TBCD: variants seen among roughly 807,000 people sequenced by gnomAD.
TBCD encodes the protein tubulin folding cofactor D.
Under a neutral mutation model 169.3 loss-of-function variants are expected in TBCD, and 105 were observed. The observed-to-expected ratio is 0.62, with a 90% CI of 0.53 to 0.73. The LOEUF (loss-of-function observed/expected upper bound fraction) is 0.73. TBCD is among the 30% of genes least tolerant of loss of function. The pLI, the probability that TBCD is intolerant of heterozygous loss-of-function variation, is 0.00. For missense variants in TBCD, 1,444 were observed against 1,600.1 expected (o/e 0.90, Z 1.66); for synonymous variants, 700 against 643.9 (o/e 1.09, Z -1.32).
At chr17:82,758,396 A>ATAAATAAATAAAT (rs1263110597) in intron 2 of TBCD, among the ~76,000 whole-genome samples, 4 of 123,164 alleles carry the variant, frequency 3.2e-5, no homozygotes, top group South Asian at 3.3e-4. Flanking sequence ...AAAAAAAAAA[A>ATAAATAAATAAAT]AAAAAAATAA....
intron 17 of TBCD, among the ~76,000 whole-genome samples, chr17:82,900,118 T>C (rs2059787418): frequency 6.6e-6 from 1 of 152,230 alleles, no homozygotes; most frequent in East Asian, 1.9e-4. Flanking sequence ...AGCGCACAGC[T>C]TCCTGTGTGT....
intron 13 of TBCD, among the ~76,000 whole-genome samples, chr17:82,820,550 A>G (rs1036434274): frequency 1.3e-5 from 2 of 151,004 alleles, no homozygotes; most frequent in Non-Finnish European, 2.9e-5. Flanking sequence ...TTCTTCAGGT[A>G]TTTTTGCTGC....
rs537369010 is a variant in TBCD at position 82,866,800 on chromosome 17, C to T, written c.1319-3424C>T. On this transcript the variant is annotated intron_variant, in intron 13 of 38. Transcript: ENST00000355528. ...AGCTGGAAGCCCAGCCCCTCTGTGG[C>T]TCTGTCCACAGCTGGGGACAGCAGT... Among the ~76,000 whole-genome samples the T allele has an allele frequency of 5.3e-5, 8 of 152,364 alleles. No individual in the cohort carries two copies. In the South Asian group the frequency reaches 1.2e-3, roughly 24 times the overall value.
At chr17:82,830,614 GC>G (rs1567850803) in intron 13 of TBCD, 1 of 1,614,052 alleles carries the variant, frequency 6.2e-7, no homozygotes, top group East Asian at 2.2e-5. Context: ...ACCGGGGAAG[GC>G]AGGCCTCGGA....
chr17:82,857,367 T>G (rs1177225938), intron 13 of TBCD, among the ~76,000 whole-genome samples: 1 of 152,364 alleles, frequency 6.6e-6, no homozygotes, highest in South Asian at 2.1e-4. Context: ...TAAACTCTTA[T>G]CAGATATATC....
rs1361304583 is a variant in TBCD, at chr17:82,841,484, T to A, written c.1318+26550T>A. On this transcript the variant is annotated intron_variant, in intron 13 of 38. Coordinates refer to ENST00000355528, the MANE Select transcript of TBCD (RefSeq NM_005993.5). Reference sequence around the variant, plus strand: ...AGGCACGGTCACTATGCCTGGAGAATTTTTTGTAGAGACAGGGTTTTGCCA... The same window carrying A: ...AGGCACGGTCACTATGCCTGGAGAAATTTTTGTAGAGACAGGGTTTTGCCA... 3.3e-5 allele frequency among the ~76,000 whole-genome samples: 5 copies of A among 152,182 alleles called. No homozygotes were observed. The East Asian group carries it at 9.7e-4, about 29-fold the overall frequency.
intron 17 of TBCD, among the ~76,000 whole-genome samples, chr17:82,894,993 A>G (rs2059383763): frequency 1.3e-5 from 2 of 152,160 alleles, no homozygotes; most frequent in South Asian, 2.1e-4. Flanking sequence ...AAGACAATCT[A>G]CCACCTTTTC....
intron 9 of TBCD, among the ~76,000 whole-genome samples, chr17:82,804,963 T>C (rs610516): frequency 0.48 from 72,327 of 152,120 alleles, 17,995 homozygotes; most frequent in African/African-American, 0.63. Flanking sequence ...CGCCAAAGCC[T>C]AAGCTGTTTG....
chr17:82,922,074 A>G lies in TBCD; in HGVS notation c.2178+497A>G, dbSNP rs2061451767. 6.6e-6 allele frequency among the ~76,000 whole-genome samples: 1 copy of G among 152,220 alleles called. No homozygotes were observed. Among genetic ancestry groups the G allele is most frequent in the South Asian group, 2.1e-4 (1 of 4,828 alleles). On this transcript the variant is annotated intron_variant, in intron 25 of 38. Coordinates refer to ENST00000355528, the MANE Select transcript of TBCD (RefSeq NM_005993.5). The surrounding 1 kb of genome is among the most constrained non-coding windows in gnomAD (Gnocchi z 4.1). The stretch of plus-strand genomic sequence containing the variant: ...GGTTACAGGTGGACTTTGGACTCAC[A>G]GAGCTGTAACGCTGATCTCATTGCA...
intron 14 of TBCD, among the ~76,000 whole-genome samples, chr17:82,882,123 C>T (rs969468225): frequency 2.6e-5 from 4 of 152,216 alleles, no homozygotes; most frequent in African/African-American, 9.7e-5. Flanking sequence ...CCAGCTTCTC[C>T]GAGGAAGTGC....
chr17:82,848,494 C>T (rs1377344126), intron 13 of TBCD, among the ~76,000 whole-genome samples: 5 of 152,198 alleles, frequency 3.3e-5, no homozygotes, highest in Admixed American at 6.5e-5. Context: ...AGGTGTCTTA[C>T]GCTTCGGCAT....
chr17:82,779,546 C>A (rs911640122), intron 6 of TBCD, among the ~76,000 whole-genome samples: 1 of 152,198 alleles, frequency 6.6e-6, no homozygotes, highest in Admixed American at 6.5e-5. Context: ...GAGCAGTTGG[C>A]AGGTGCCAGC....
chr17:82,854,935 G>C (rs1270990802), intron 13 of TBCD, among the ~76,000 whole-genome samples: 6 of 152,218 alleles, frequency 3.9e-5, no homozygotes, highest in Non-Finnish European at 8.8e-5. Context: ...CTCTGTCCTT[G>C]GGACTCATCA....
chr17:82,847,099 C>T (rs537802109), intron 13 of TBCD, among the ~76,000 whole-genome samples: 17 of 152,292 alleles, frequency 1.1e-4, no homozygotes, highest in Non-Finnish European at 2.4e-4. Flanking sequence ...CGCCTGTAAT[C>T]CCAGCACTTT....
chr17:82,900,457 T>G, intron 17 of TBCD, 194 bp from the exon 18 acceptor site: 1 of 552,912 alleles, frequency 1.8e-6, no homozygotes, highest in Non-Finnish European at 3.2e-6. Flanking sequence ...TGTGTGCACG[T>G]TTGTGTAAAG....
At chr17:82,756,270 C>G in intron 2 of TBCD, 55 bp downstream of exon 2, 2 of 1,531,192 alleles carry the variant, frequency 1.3e-6, no homozygotes, top group African/African-American at 1.4e-5. Flanking sequence ...CCACGGAGGC[C>G]TTGGTGTGTG....
chr17:82,888,890 C>T (rs1323765693), intron 15 of TBCD, among the ~76,000 whole-genome samples: 1 of 152,188 alleles, frequency 6.6e-6, no homozygotes, highest in Non-Finnish European at 1.5e-5. Context: ...CTGGCCTCGC[C>T]CCTTGCTGGT....
At chr17:82,779,764 G>C (rs2048825430) in intron 6 of TBCD, among the ~76,000 whole-genome samples, 1 of 152,188 alleles carries the variant, frequency 6.6e-6, no homozygotes, top group African/African-American at 2.4e-5. Context: ...TTGCAGTGGA[G>C]ATGACGTGGG....
chr17:82,775,524 G>GC (rs1473049532), intron 6 of TBCD, among the ~76,000 whole-genome samples: 2 of 152,208 alleles, frequency 1.3e-5, no homozygotes, highest in Non-Finnish European at 1.5e-5. Context: ...CCAGGGAGGA[G>GC]CAGCCTGCTC....
Sources: gnomAD v4.1 joint callset for allele counts (sites outside exome capture counted in the v4.1 genomes callset) on GRCh38, gnomAD v4.1.1 for gene constraint, Gnocchi (gnomAD v3.1) non-coding constraint, MANE v1.5 for transcripts, NCBI Gene and HGNC (gene_info 2026-07-23, HGNC 2026-07-21) for gene names.